The following GAL3ST4 variants were observed in gnomAD, a reference collection of about 807,000 sequenced individuals.
GAL3ST4 encodes beta-galactose-3-O-sulfotransferase 4.
GAL3ST4 carries 30 observed loss-of-function variants against 31.6 expected under a neutral mutation model. The observed-to-expected ratio is 0.95, with a 90% CI of 0.71 to 1.29. The LOEUF (loss-of-function observed/expected upper bound fraction) is 1.29, where lower values mean the gene tolerates loss of function less well. Among genes scored for constraint, GAL3ST4 ranks in the 50% most tolerant of loss-of-function variants. The pLI is 0.00. For missense variants in GAL3ST4, 629 were observed against 625.2 expected (o/e 1.01, Z -0.06); for synonymous variants, 248 against 256.9 (o/e 0.97, Z 0.33).
rs375890971 is a variant in GAL3ST4, at chr7:100,165,201, C to T, written c.429+1301G>A. The stretch of plus-strand genomic sequence containing the variant: ...TTTTTTCTTTTGTGAAATGGAGTCT[C>T]GCTCTGTTGCCCAGGCTGGAGTGCA... On this transcript the variant is annotated intron_variant, in intron 3 of 3. Transcript: ENST00000360039. Among the ~76,000 whole-genome samples the T allele has an allele frequency of 1.5e-4, 23 of 151,594 alleles. No homozygotes were observed. In the East Asian group the frequency reaches 3.1e-3, roughly 20 times the overall value.
Position 100,160,750 on chromosome 7 carries a change from G to A in GAL3ST4, c.639C>T (p.Asp213=). 1 of 1,614,186 alleles carries A rather than the reference G, an allele frequency of 6.2e-7. No homozygotes were observed. The highest frequency in any genetic ancestry group is 8.5e-7 in the Non-Finnish European group (1 of 1,180,032). The stretch of plus-strand genomic sequence containing the variant: ...TCTCTGGGGGAAAGGGCAGGCCAAA[G>A]TCAAACCATAGTAAGTTGCGAGCGT... ...DHYARNLLWF[D]FGLPFPPEKR... The change falls in exon 4 of 4, where the codon GAC becomes GAT. Residue 213 remains aspartate (D), a synonymous_variant. Coordinates refer to ENST00000360039, the MANE Select transcript of GAL3ST4 (RefSeq NM_024637.5).
chr7:100,160,604 G>A lies in GAL3ST4; in HGVS notation c.785C>T (p.Pro262Leu), dbSNP rs1432802226. ...GCGATGATCAGTAACAGTGGAAACA[G>A]GATGGATGAGGGCATTGGGATTGAG... ...QTLNPNALIHPVSTVTDHRSQ... is the reference protein window; with the variant it reads ...QTLNPNALIHLVSTVTDHRSQ... The change falls in exon 4 of 4, where the codon CCT becomes CTT. Residue 262 changes from proline to leucine, a missense_variant. Physicochemically the swap from Pro to Leu is moderately conservative, Grantham distance 98. Coordinates refer to ENST00000360039, the MANE Select transcript of GAL3ST4 (RefSeq NM_024637.5). The A allele has an allele frequency of 1.2e-6, 2 of 1,613,848 alleles. No homozygotes were observed. Among genetic ancestry groups the A allele is most frequent in the Non-Finnish European group, 1.7e-6 (2 of 1,180,048 alleles).
At chr7:100,165,460 A>G (rs1394794263) in intron 3 of GAL3ST4, among the ~76,000 whole-genome samples, 1 of 152,098 alleles carries the variant, frequency 6.6e-6, no homozygotes, top group Non-Finnish European at 1.5e-5. Context: ...CGGGCTAAAA[A>G]TACAGCTGAT....
chr7:100,166,493 A>T lies in GAL3ST4; in HGVS notation c.429+9T>A, dbSNP rs149092760. The T allele has an allele frequency of 7.6e-3, 12,160 of 1,602,196 alleles. 73 individuals carry two copies. The highest frequency in any genetic ancestry group is 8.8e-3 in the Non-Finnish European group (10,262 of 1,172,190). Reference sequence around the variant, plus strand: ...TTCTGGTCCCTCCCACCACTGCGACACTCCTTACCTCTTTCAGGTTGAACC... The same window carrying T: ...TTCTGGTCCCTCCCACCACTGCGACTCTCCTTACCTCTTTCAGGTTGAACC... On this transcript the variant is annotated intron_variant, in intron 3 of 3. Coordinates refer to ENST00000360039, the MANE Select transcript of GAL3ST4 (RefSeq NM_024637.5).
Position 100,167,044 on chromosome 7 carries a change from G to A in GAL3ST4, c.52C>T (p.Leu18=), listed in dbSNP as rs762414426. 3 of 1,563,114 alleles carry A rather than the reference G, an allele frequency of 1.9e-6. No homozygotes were observed. The highest frequency in any genetic ancestry group is 2.6e-6 in the Non-Finnish European group (3 of 1,153,284). ...RTLRLWGPRS[L]GVALGVFMTI... is the part of the protein sequence containing the mutation. ...ATGAAGACTCCCAGAGCCACCCCCA[G>A]GCTCCGAGGTCCCCAGAGCCGCAGC... The change falls in exon 2 of 4, where the codon CTG becomes TTG. Residue 18 remains leucine (L), a synonymous_variant. Transcript: ENST00000360039.
chr7:100,167,079 G>A lies in GAL3ST4; in HGVS notation c.17C>T (p.Pro6Leu), dbSNP rs1261794430. The A allele has an allele frequency of 1.3e-6, 2 of 1,554,906 alleles. No individual in the cohort carries two copies. Among genetic ancestry groups the A allele is most frequent in the African/African-American group, 1.4e-5 (1 of 73,436 alleles). Reference sequence around the variant, plus strand: ...TCCCCAGAGCCGCAGCGTCCTGGCAGGAGAGAGAGGGCCCATGTGGCACAG... The same window carrying A: ...TCCCCAGAGCCGCAGCGTCCTGGCAAGAGAGAGAGGGCCCATGTGGCACAG... MGPLS[P>L]ARTLRLWGPR... The change falls in exon 2 of 4, where the codon CCT (proline) becomes CTT (leucine). Residue 6 changes from proline to leucine, a missense_variant. Physicochemically the swap from Pro to Leu is moderately conservative, Grantham distance 98. Coordinates refer to ENST00000360039, the MANE Select transcript of GAL3ST4 (RefSeq NM_024637.5).
Position 100,168,005 on chromosome 7 carries a change from G to GAGACACACACACAC in GAL3ST4, c.-189+540_-189+541insGTGTGTGTGTGTCT, listed in dbSNP as rs371744826. ...GGAGAGGGAGACAGAAAGAGAGAGA[G>GAGACACACACACAC]ACACACACACACACACACACACACA... is the stretch of plus-strand genomic sequence containing the variant. On this transcript the variant is annotated intron_variant, in intron 1 of 3. Transcript: ENST00000360039. This position sits in a 1 kb window ranked among gnomAD's most constrained non-coding sequence, Gnocchi z 4.1. 5.5e-5 allele frequency: 8 copies of GAGACACACACACAC among 145,614 alleles called. No homozygotes were observed. The highest frequency in any genetic ancestry group is 2.1e-4 in the African/African-American group (8 of 38,538). 9.0% of individuals were successfully genotyped at this position (145,614 alleles called of 1,614,324 possible).
rs1345032369 is a variant in GAL3ST4, at chr7:100,160,092, T to A, written c.1297A>T (p.Lys433Ter). The A allele has an allele frequency of 6.2e-7, 1 of 1,614,094 alleles. No homozygotes were observed. The highest frequency in any genetic ancestry group is 8.5e-7 in the Non-Finnish European group (1 of 1,180,008). The change falls in exon 4 of 4, where the codon AAG becomes TAG. Residue 433 changes from lysine (K) to a stop codon, truncating the protein, a stop_gained. Coordinates refer to ENST00000360039, the MANE Select transcript of GAL3ST4 (RefSeq NM_024637.5). LOFTEE classifies it high-confidence loss of function. ...RFRPFQFGSA[K>*]VLGYILRSGL... is the part of the protein sequence containing the mutation. ...CTCCGAAGTATATAGCCCAAAACCTTAGCTGACCCAAACTGGAAGGGGCGG... is the reference window on the plus strand; with the variant it reads ...CTCCGAAGTATATAGCCCAAAACCTAAGCTGACCCAAACTGGAAGGGGCGG...
rs13232713 is a variant in GAL3ST4, at chr7:100,160,098, A to T, written c.1291T>A (p.Ser431Thr). The T allele has an allele frequency of 1.2e-6, 2 of 1,614,032 alleles. No individual in the cohort carries two copies. The highest frequency in any genetic ancestry group is 1.7e-6 in the Non-Finnish European group (2 of 1,179,976). ...DRRFRPFQFG[S>T]AKVLGYILRS... ...AGTATATAGCCCAAAACCTTAGCTG[A>T]CCCAAACTGGAAGGGGCGGAACCGG... The change falls in exon 4 of 4, where the codon TCA (serine) becomes ACA (threonine). Residue 431 changes from serine to threonine, a missense_variant. Coordinates refer to ENST00000360039, the MANE Select transcript of GAL3ST4 (RefSeq NM_024637.5).
rs750408081 is a variant in GAL3ST4 at position 100,166,755 on chromosome 7, G to T, written c.176C>A (p.Ala59Asp). 1 of 1,613,498 alleles carries T rather than the reference G, an allele frequency of 6.2e-7. No homozygotes were observed. The highest frequency in any genetic ancestry group is 8.5e-7 in the Non-Finnish European group (1 of 1,179,772). The change falls in exon 3 of 4, where the codon GCC (alanine) becomes GAC (aspartate). Residue 59 changes from alanine to aspartate, a missense_variant. By Grantham distance (126) the Ala-to-Asp change is moderately radical. Transcript: ENST00000360039. ...RQPSAPSLRP[A>D]LPSCPPRQRL... ...CTGCCGGGGTGGGCAGGACGGAAGGGCTGGTCGTAGGGATGGGGCCGAGGG... is the reference window on the plus strand; with the variant it reads ...CTGCCGGGGTGGGCAGGACGGAAGGTCTGGTCGTAGGGATGGGGCCGAGGG...
chr7:100,166,417 C>A, intron 3 of GAL3ST4, 85 bp downstream of exon 3: 1 of 1,384,612 alleles, frequency 7.2e-7, no homozygotes, highest in Non-Finnish European at 9.9e-7. Context: ...GCCTGGGGAG[C>A]CCCCAGGTCT....
chr7:100,160,455 C>G lies in GAL3ST4; in HGVS notation c.934G>C (p.Val312Leu). 6.2e-7 allele frequency: 1 copy of G among 1,614,140 alleles called. No individual in the cohort carries two copies. Among genetic ancestry groups the G allele is most frequent in the South Asian group, 1.1e-5 (1 of 91,086 alleles). The change falls in exon 4 of 4, where the codon GTT (valine) becomes CTT (leucine). Residue 312 changes from valine to leucine, a missense_variant. Coordinates refer to ENST00000360039, the MANE Select transcript of GAL3ST4 (RefSeq NM_024637.5). ...MVAEYFDESL[V>L]LLADALCWGL... is the part of the protein sequence containing the mutation. ...CAGCACAGGGCATCTGCCAGCAGAACCAATGACTCATCGAAGTACTCAGCC... is the reference window on the plus strand; with the variant it reads ...CAGCACAGGGCATCTGCCAGCAGAAGCAATGACTCATCGAAGTACTCAGCC...
rs1005629768 is a variant in GAL3ST4 at position 100,167,111 on chromosome 7, G to T, written c.-16C>A. Reference sequence around the variant, plus strand: ...GAGGGCCCATGTGGCACAGGGAAGGGTGAGGTGACAGAGAGATGGAGCCAG... The same window carrying T: ...GAGGGCCCATGTGGCACAGGGAAGGTTGAGGTGACAGAGAGATGGAGCCAG... On this transcript the variant is annotated 5_prime_UTR_variant, in exon 2 of 4. Coordinates refer to ENST00000360039, the MANE Select transcript of GAL3ST4 (RefSeq NM_024637.5). The T allele has an allele frequency of 6.4e-7, 1 of 1,553,012 alleles. No individual in the cohort carries two copies. The highest frequency in any genetic ancestry group is 8.7e-7 in the Non-Finnish European group (1 of 1,147,632).
At chr7:100,163,497 G>A (rs1372565384) in intron 3 of GAL3ST4, among the ~76,000 whole-genome samples, 1 of 150,348 alleles carries the variant, frequency 6.7e-6, no homozygotes, top group African/African-American at 2.5e-5. Context: ...TTTTTTTGAG[G>A]GGGAGGACAG....
chr7:100,162,436 T>C (rs1034788101), intron 3 of GAL3ST4, among the ~76,000 whole-genome samples: 6 of 149,770 alleles, frequency 4.0e-5, no homozygotes, highest in African/African-American at 1.2e-4. Context: ...TCCCAGCTAC[T>C]CAGGAGGCTG....
chr7:100,161,536 A>T lies in GAL3ST4; in HGVS notation c.430-577T>A, dbSNP rs529732423. ...TGTGATGGCACACGCCTGTAATCCCAGCTACTCGGGAGGCTGAGGCAGGAG... is the reference window on the plus strand; with the variant it reads ...TGTGATGGCACACGCCTGTAATCCCTGCTACTCGGGAGGCTGAGGCAGGAG... On this transcript the variant is annotated intron_variant, in intron 3 of 3. Coordinates refer to ENST00000360039, the MANE Select transcript of GAL3ST4 (RefSeq NM_024637.5). Among the ~76,000 whole-genome samples, 7 of 151,968 alleles carry T rather than the reference A, an allele frequency of 4.6e-5. No homozygotes were observed. In the South Asian group the frequency reaches 1.5e-3, roughly 32 times the overall value.
chr7:100,161,696 A>G (rs1301979254), intron 3 of GAL3ST4, among the ~76,000 whole-genome samples: 2 of 152,054 alleles, frequency 1.3e-5, no homozygotes, highest in Non-Finnish European at 2.9e-5. Context: ...AGGTCAATCA[A>G]TGATAGACTG....
In GAL3ST4 at chr7:100,166,692, C is replaced by A; in HGVS notation, c.239G>T (p.Ser80Ile). The change falls in exon 3 of 4, where the codon AGC becomes ATC. Residue 80 changes from serine to isoleucine, a missense_variant. By Grantham distance (142) the Ser-to-Ile change is moderately radical. Transcript: ENST00000360039. ...GCGGTGAAGCAGGCTCAGCACAGAG[C>A]TGCTCCCGGATTTATGTGTCTTCAG... ...VFLKTHKSGS[S>I]SVLSLLHRYG... 6.2e-7 allele frequency: 1 copy of A among 1,614,204 alleles called. No homozygotes were observed. The highest frequency in any genetic ancestry group is 8.5e-7 in the Non-Finnish European group (1 of 1,180,030).
rs115841575 is a variant in GAL3ST4, at chr7:100,166,651, C to T, written c.280G>A (p.Gly94Arg). The change falls in exon 3 of 4, where the codon GGG (glycine) becomes AGG (arginine). Residue 94 changes from glycine (G) to arginine (R), a missense_variant. Transcript: ENST00000360039. ...CGGGCAGGGAGGGCGAAGCGCAGCCCGTGCTGGTCCCCATAGCGGTGAAGC... is the reference window on the plus strand; with the variant it reads ...CGGGCAGGGAGGGCGAAGCGCAGCCTGTGCTGGTCCCCATAGCGGTGAAGC... ...SLLHRYGDQH[G>R]LRFALPARYQ... 3.2e-3 allele frequency: 5,238 copies of T among 1,614,188 alleles called. 131 individuals are homozygous for T. The African/African-American group carries it at 0.058, about 18-fold the overall frequency.
Sources: allele counts gnomAD v4.1 joint callset (sites outside exome capture counted in the v4.1 genomes callset), GRCh38; gene constraint gnomAD v4.1.1; non-coding constraint Gnocchi (gnomAD v3.1); transcripts MANE v1.5; gene names NCBI Gene and HGNC (gene_info 2026-07-23, HGNC 2026-07-21).